Variants in PDLIM3 observed in about 807,000 individuals in gnomAD.
PDLIM3 encodes PDZ and LIM domain protein 3.
Under a neutral mutation model 37.3 loss-of-function variants are expected in PDLIM3, and 36 were observed. The ratio of observed to expected loss-of-function variants is 0.97; its 90% CI spans 0.74 to 1.28. The LOEUF is 1.28. Among genes scored for constraint, PDLIM3 ranks in the 50% most tolerant of loss-of-function variants. The pLI is 0.00. For missense variants in PDLIM3, 454 were observed against 485.0 expected, an observed-to-expected ratio of 0.94 and a Z score of 0.60; for synonymous variants, 174 against 182.4, an observed-to-expected ratio of 0.95 and a Z score of 0.37.
intron 1 of PDLIM3, 136 bp downstream of exon 1, chr4:185,535,206 C>G: frequency 5.6e-6 from 4 of 710,164 alleles, no homozygotes; most frequent in Non-Finnish European, 4.6e-6. Context: ...GCGCCGAAGC[C>G]CGGGAGCCAG....
chr4:185,506,752 G>C (rs2095698267), intron 5 of PDLIM3, 100 bp from the exon 6 acceptor site: 28 of 1,086,864 alleles, frequency 2.6e-5, no homozygotes, highest in Non-Finnish European at 3.3e-5. Context: ...TCTATGCACA[G>C]CCACTCCTGA....
chr4:185,515,083 T>G (rs1334736929), intron 3 of PDLIM3: 3 of 440,324 alleles, frequency 6.8e-6, no homozygotes, highest in Non-Finnish European at 1.2e-5. Flanking sequence ...TATTCACCGA[T>G]CAAATGTTAA....
intron 3 of PDLIM3, chr4:185,515,169 C>A: frequency 4.4e-6 from 1 of 225,710 alleles, no homozygotes; most frequent in East Asian, 9.3e-5. Flanking sequence ...CCCCTGACTT[C>A]TTCATCTATA....
At chr4:185,517,701 T>TC (rs2095717053) in intron 3 of PDLIM3, 1 of 152,004 alleles carries the variant, frequency 6.6e-6, no homozygotes, top group East Asian at 1.9e-4. Context: ...ACCAACAACC[T>TC]CTATTTTACA....
At chr4:185,513,803 G>C in intron 4 of PDLIM3, 1 of 1,038,146 alleles carries the variant, frequency 9.6e-7, no homozygotes, top group Non-Finnish European at 1.2e-6. Context: ...ATTTGAAAAG[G>C]ATGATCTGAA....
intron 3 of PDLIM3, among the ~76,000 whole-genome samples, chr4:185,518,498 C>A (rs932835819): frequency 3.3e-5 from 5 of 151,656 alleles, no homozygotes; most frequent in African/African-American, 1.2e-4. Context: ...AAAATCAAAT[C>A]ATATATATAT....
chr4:185,525,997 C>T (rs115551746), intron 1 of PDLIM3, among the ~76,000 whole-genome samples: 1 of 152,158 alleles, frequency 6.6e-6, no homozygotes, highest in Non-Finnish European at 1.5e-5. Flanking sequence ...AGATAATACA[C>T]AAAATTATAA....
At chr4:185,521,984 T>C (rs2095723981) in intron 3 of PDLIM3, among the ~76,000 whole-genome samples, 1 of 66,638 alleles carries the variant, frequency 1.5e-5, no homozygotes, top group African/African-American at 2.7e-5. Context: ...TTGCTTTTAG[T>C]GGATTTTAGA....
chr4:185,501,890 A>G lies in PDLIM3; in HGVS notation c.*404T>C, dbSNP rs2095687614. ...AAACACATACAGACAACTGCAGATT[A>G]TGTTAGAATACAAGATTGTTATTTG... On this transcript the variant is annotated 3_prime_UTR_variant, in exon 8 of 8. Coordinates refer to ENST00000284767, the MANE Select transcript of PDLIM3 (RefSeq NM_014476.6). 2.0e-5 allele frequency: 6 copies of G among 298,422 alleles called. No homozygotes were observed. In the South Asian group the frequency reaches 2.0e-4, roughly 10 times the overall value. The allele number at this position is 298,422 out of a possible 1,614,324, so 18.5% of individuals were successfully genotyped here.
intron 4 of PDLIM3, among the ~76,000 whole-genome samples, chr4:185,508,772 T>G (rs1256296222): frequency 6.6e-6 from 1 of 152,256 alleles, no homozygotes; most frequent in Non-Finnish European, 1.5e-5. Context: ...GAAAAAAGTT[T>G]AATAAAATTA....
At chr4:185,524,669 C>T (rs1046766986) in intron 2 of PDLIM3, among the ~76,000 whole-genome samples, 1 of 152,218 alleles carries the variant, frequency 6.6e-6, no homozygotes, top group Non-Finnish European at 1.5e-5. Context: ...CCATTCCATT[C>T]CATTCCATTC....
chr4:185,508,737 G>A (rs2095702042), intron 4 of PDLIM3, among the ~76,000 whole-genome samples, 175 bp from the exon 5 acceptor site: 1 of 152,152 alleles, frequency 6.6e-6, no homozygotes, highest in African/African-American at 2.4e-5. Flanking sequence ...ATTTATAAAG[G>A]GAAGACGGTG....
chr4:185,504,535 T>G lies in PDLIM3; in HGVS notation c.845A>C (p.His282Pro). The G allele has an allele frequency of 4.3e-6, 7 of 1,614,208 alleles. No individual in the cohort carries two copies. The highest frequency in any genetic ancestry group is 5.9e-6 in the Non-Finnish European group (7 of 1,180,022). Residue 282 changes from histidine to proline, a missense_variant, in exon 7 of 8, where the codon CAT becomes CCT. Transcript: ENST00000284767. This position sits in a 1 kb window ranked among gnomAD's most constrained non-coding sequence, Gnocchi z 4.7. ...CCTCTGTGCCCCGCCTGAACCGCCA[T>G]GGACTTTCGTCACCGGAGCTCTCAC... ...RSVRAPVTKV[H>P]GGSGGAQRMP... is the part of the protein sequence containing the mutation.
rs1400812650 is a variant in PDLIM3 at position 185,535,441 on chromosome 4, T to G, written c.-7A>C. 1.3e-6 allele frequency: 2 copies of G among 1,582,552 alleles called. No individual in the cohort carries two copies. Among genetic ancestry groups the G allele is most frequent in the African/African-American group, 2.7e-5 (2 of 72,918 alleles). ...GGATCACCGTCTGGGGCATGCCGCC[T>G]TCCTCCCGCCCACCGGGCTCTAAGT... On this transcript the variant is annotated 5_prime_UTR_variant, in exon 1 of 8. Transcript: ENST00000284767.
intron 6 of PDLIM3, among the ~76,000 whole-genome samples, chr4:185,506,302 C>T (rs2095696972): frequency 6.6e-6 from 1 of 152,094 alleles, no homozygotes; most frequent in Non-Finnish European, 1.5e-5. Flanking sequence ...CTTTGGTGTC[C>T]TTTTGTGACT....
chr4:185,504,801 A>G lies in PDLIM3; in HGVS notation c.794-215T>C, dbSNP rs757351533. On this transcript the variant is annotated intron_variant, in intron 6 of 7. Coordinates refer to ENST00000284767, the MANE Select transcript of PDLIM3 (RefSeq NM_014476.6). This position sits in a 1 kb window ranked among gnomAD's most constrained non-coding sequence, Gnocchi z 4.7. ...CATTTATTTTGTTGTGGTTGGAGGAAACTGTTACAAAAACGCTCAAAGGAG... is the reference window on the plus strand; with the variant it reads ...CATTTATTTTGTTGTGGTTGGAGGAGACTGTTACAAAAACGCTCAAAGGAG... Among the ~76,000 whole-genome samples, 5 of 152,234 alleles carry G rather than the reference A, an allele frequency of 3.3e-5. No homozygotes were observed. The highest frequency in any genetic ancestry group is 1.3e-4 in the Admixed American group (2 of 15,288).
In PDLIM3 at chr4:185,504,415, A is replaced by G; in HGVS notation, c.905+60T>C. ...CCTTTAGTCTATAAAGTCTTAAAGG[A>G]GAAGAAATGAACTGTCGCCAAGCTG... On this transcript the variant is annotated intron_variant, in intron 7 of 7. Coordinates refer to ENST00000284767, the MANE Select transcript of PDLIM3 (RefSeq NM_014476.6). The surrounding 1 kb of genome is among the most constrained non-coding windows in gnomAD (Gnocchi z 4.7). 2 of 1,376,302 alleles carry G rather than the reference A, an allele frequency of 1.5e-6. No homozygotes were observed. The highest frequency in any genetic ancestry group is 2.1e-6 in the Non-Finnish European group (2 of 971,162). The allele number at this position is 1,376,302 out of a possible 1,614,324, so 85.3% of individuals were successfully genotyped here. A position where few individuals can be genotyped will look rare whatever the true frequency, so the allele number is the denominator to read the frequency against.
intron 7 of PDLIM3, among the ~76,000 whole-genome samples, chr4:185,503,938 G>T (rs989900847): frequency 6.6e-6 from 1 of 152,130 alleles, no homozygotes; most frequent in African/African-American, 2.4e-5. Context: ...ACAGAGCAGG[G>T]CTCTATCTCT....
chr4:185,523,067 TC>T (rs2095725291), intron 3 of PDLIM3: 1 of 339,748 alleles, frequency 2.9e-6, no homozygotes, highest in African/African-American at 2.1e-5. Flanking sequence ...CACGGTCATT[TC>T]ACAGAAGTCC....
Sources: allele counts gnomAD v4.1 joint callset (sites outside exome capture counted in the v4.1 genomes callset), GRCh38; gene constraint gnomAD v4.1.1; non-coding constraint Gnocchi (gnomAD v3.1); transcripts MANE v1.5; gene names NCBI Gene and HGNC (gene_info 2026-07-23, HGNC 2026-07-21).